Variants in GUCY2F observed in about 807,000 individuals in gnomAD.
The protein encoded by GUCY2F is retinal guanylyl cyclase 2.
A neutral mutation model predicts 73.1 loss-of-function variants in GUCY2F; 61 were observed. The ratio of observed to expected loss-of-function variants is 0.83; its 90% CI spans 0.68 to 1.03. The LOEUF (loss-of-function observed/expected upper bound fraction) is 1.03, where lower values mean the gene tolerates loss of function less well. Among genes scored for constraint, GUCY2F ranks in the 50% least tolerant of loss-of-function variants. The probability of loss-of-function intolerance (pLI) is 0.00; values close to 1 mark genes in which losing one functional copy is unlikely to be tolerated. For synonymous variants in GUCY2F, 331 were observed against 307.8 expected (o/e 1.08, Z -0.79); for missense variants, 912 against 854.3 (o/e 1.07, Z -0.84).
intron 17 of GUCY2F, among the ~76,000 whole-genome samples, chrX:109,380,861 G>GA (rs998460440): frequency 3.6e-5 from 4 of 112,243 alleles, no homozygotes; most frequent in Non-Finnish European, 7.5e-5. Context: ...CAATGCAGAG[G>GA]AAAAGGTCTT....
intron 8 of GUCY2F, among the ~76,000 whole-genome samples, chrX:109,419,533 C>T (rs778377059): frequency 1.2e-4 from 13 of 110,486 alleles, no homozygotes; most frequent in Non-Finnish European, 1.7e-4. Flanking sequence ...ATGTGAAAAA[C>T]TTTCAGGTAA....
Position 109,404,370 on chromosome X carries a change from A to C in GUCY2F, c.2083T>G (p.Leu695Val), listed in dbSNP as rs771160797. The C allele has an allele frequency of 8.4e-6, 10 of 1,196,506 alleles. No homozygotes were observed. The highest frequency in any genetic ancestry group is 3.5e-5 in the African/African-American group (2 of 56,994). ...TCTTCAGAGAGTCTCAGCATTTCTA[A>C]GATGTCGTTAAAGCCATAATCTGTC... ...KVTDYGFNDI[L>V]EMLRLSEEES... The change falls in exon 10 of 20, where the codon TTA (leucine) becomes GTA (valine). Residue 695 changes from leucine to valine, a missense_variant. By Grantham distance (32) the Leu-to-Val change is conservative. Transcript: ENST00000218006.
chrX:109,455,492 T>C (rs774100539), intron 3 of GUCY2F, among the ~76,000 whole-genome samples: 8 of 112,051 alleles, frequency 7.1e-5, no homozygotes, highest in Non-Finnish European at 1.3e-4. Flanking sequence ...CCAGGTCTCC[T>C]GTTTCTTAGT....
At chrX:109,381,649 A>G (rs1930312674) in intron 17 of GUCY2F, among the ~76,000 whole-genome samples, 1 of 112,328 alleles carries the variant, frequency 8.9e-6, no homozygotes, top group Non-Finnish European at 1.9e-5. Context: ...TTTCTTAGGG[A>G]AAGAAAAAGT....
chrX:109,381,269 G>T (rs1930301780), intron 17 of GUCY2F, among the ~76,000 whole-genome samples: 1 of 112,063 alleles, frequency 8.9e-6, no homozygotes, highest in Non-Finnish European at 1.9e-5. Flanking sequence ...TAGTCACTGA[G>T]AAAATCATCT....
intron 11 of GUCY2F, among the ~76,000 whole-genome samples, chrX:109,396,636 GT>G (rs1185102439): frequency 8.9e-6 from 1 of 111,802 alleles, no homozygotes; most frequent in Admixed American, 9.5e-5. Context: ...CCCCACCAGT[GT>G]GACCTTCCCA....
At chrX:109,430,446 A>C (rs770984078) in intron 7 of GUCY2F, 50 bp from the exon 8 acceptor site, 3 of 691,571 alleles carry the variant, frequency 4.3e-6, no homozygotes, top group Non-Finnish European at 7.0e-6. Context: ...AGTTGCCAGC[A>C]GTTTTAGAAA....
At chrX:109,429,028 G>A (rs753316899) in intron 8 of GUCY2F, among the ~76,000 whole-genome samples, 1 of 112,093 alleles carries the variant, frequency 8.9e-6, no homozygotes, top group Non-Finnish European at 1.9e-5. Flanking sequence ...GTGTAGAATT[G>A]TCTATTTTAG....
intron 12 of GUCY2F, 54 bp from the exon 13 acceptor site, chrX:109,393,109 G>T (rs926241437): frequency 1.5e-6 from 1 of 662,112 alleles, no homozygotes; most frequent in Non-Finnish European, 2.4e-6. Flanking sequence ...CAAACTCAGA[G>T]ATGATGGAGC....
chrX:109,400,072 G>T (rs1930802779), intron 10 of GUCY2F, among the ~76,000 whole-genome samples: 2 of 110,631 alleles, frequency 1.8e-5, no homozygotes, highest in South Asian at 7.9e-4. Context: ...GCTGGAGCTG[G>T]AGAGGGATTT....
intron 8 of GUCY2F, among the ~76,000 whole-genome samples, chrX:109,420,617 C>T (rs1276324698): frequency 2.7e-5 from 3 of 111,295 alleles, no homozygotes; most frequent in Non-Finnish European, 5.7e-5. Context: ...AATTTAAAAA[C>T]AAAAATACAA....
intron 9 of GUCY2F, among the ~76,000 whole-genome samples, chrX:109,407,547 A>T (rs1216772760): frequency 8.8e-6 from 1 of 113,067 alleles, no homozygotes; most frequent in East Asian, 2.8e-4. Flanking sequence ...CATGGGGAAC[A>T]TGTCCCCAGG....
chrX:109,469,912 G>A (rs186068282), intron 2 of GUCY2F, among the ~76,000 whole-genome samples: 1 of 111,517 alleles, frequency 9.0e-6, no homozygotes, highest in East Asian at 2.8e-4. Context: ...GGTGATGTGT[G>A]GCTATCTCTA....
At chrX:109,428,763 T>C (rs1931543876) in intron 8 of GUCY2F, among the ~76,000 whole-genome samples, 1 of 112,082 alleles carries the variant, frequency 8.9e-6, no homozygotes, top group African/African-American at 3.2e-5. Flanking sequence ...GTCTACAACT[T>C]ACTCTCAAAT....
Position 109,441,250 on chromosome X carries a change from C to T in GUCY2F, c.1701+101G>A, listed in dbSNP as rs1001549229. On this transcript the variant is annotated intron_variant, in intron 7 of 19. Coordinates refer to ENST00000218006, the MANE Select transcript of GUCY2F (RefSeq NM_001522.3). ...ACAGACACCAAACTGGAAAGACTTG[C>T]CAAAAGCCCCAGTATTTTTACCCAA... The T allele has an allele frequency of 1.5e-5, 7 of 476,284 alleles. No homozygotes were observed. The African/African-American group carries it at 1.7e-4, about 12-fold the overall frequency. The allele number at this position is 476,284 out of a possible 1,213,427, so 39.3% of individuals were successfully genotyped here. A position where few individuals can be genotyped will look rare whatever the true frequency, so the allele number is the denominator to read the frequency against.
At chrX:109,413,465 C>T (rs1396733901) in intron 8 of GUCY2F, among the ~76,000 whole-genome samples, 4 of 109,460 alleles carry the variant, frequency 3.7e-5, no homozygotes, top group Admixed American at 1.9e-4. Flanking sequence ...AGTGCAGTGG[C>T]GCAATCTCGG....
At chrX:109,429,374 A>G (rs907321148) in intron 8 of GUCY2F, among the ~76,000 whole-genome samples, 3 of 106,524 alleles carry the variant, frequency 2.8e-5, no homozygotes, top group Non-Finnish European at 5.8e-5. Flanking sequence ...AGATCGCACC[A>G]TTGTACTCCA....
chrX:109,415,773 G>A (rs1931224200), intron 8 of GUCY2F, among the ~76,000 whole-genome samples: 3 of 111,909 alleles, frequency 2.7e-5, no homozygotes, highest in Admixed American at 1.9e-4. Flanking sequence ...CCTAACAAAT[G>A]AAAAGAGAAA....
chrX:109,416,428 G>A (rs1269469244), intron 8 of GUCY2F, among the ~76,000 whole-genome samples: 1 of 110,524 alleles, frequency 9.0e-6, no homozygotes, highest in Non-Finnish European at 1.9e-5. Flanking sequence ...AAATTTGCTA[G>A]GTGGGCTTAG....
Sources: gnomAD v4.1 joint callset for allele counts (sites outside exome capture counted in the v4.1 genomes callset) on GRCh38, gnomAD v4.1.1 for gene constraint, MANE v1.5 for transcripts, NCBI Gene and HGNC (gene_info 2026-07-23, HGNC 2026-07-21) for gene names.